MSRB2: variants seen among roughly 807,000 people sequenced by gnomAD.
MSRB2 encodes methionine-R-sulfoxide reductase B2, mitochondrial.
A neutral mutation model predicts 19.0 loss-of-function variants in MSRB2; 17 were observed. The observed-to-expected ratio is 0.89, with a 90% CI of 0.61 to 1.34. The LOEUF is 1.34. Ranked by LOEUF, MSRB2 falls within the 40% of genes most tolerant of loss-of-function variation. The pLI, the probability that MSRB2 is intolerant of heterozygous loss-of-function variation, is 0.00. For missense variants in MSRB2, 208 were observed against 237.6 expected (o/e 0.88, Z 0.82); for synonymous variants, 107 against 99.7 (o/e 1.07, Z -0.44).
intron 3 of MSRB2, among the ~76,000 whole-genome samples, chr10:23,115,771 C>G (rs1445741926): frequency 2.6e-5 from 4 of 152,080 alleles, no homozygotes; most frequent in African/African-American, 9.7e-5. Context: ...TAAAAATCTC[C>G]CGATTCTGCT....
intron 1 of MSRB2, among the ~76,000 whole-genome samples, chr10:23,096,062 C>T (rs555859095): frequency 6.6e-6 from 1 of 151,920 alleles, no homozygotes; most frequent in East Asian, 1.9e-4. Flanking sequence ...CAGGCGAAGG[C>T]CCGGGGCCTG....
At chr10:23,112,725 G>A (rs1840069721) in intron 3 of MSRB2, among the ~76,000 whole-genome samples, 1 of 152,168 alleles carries the variant, frequency 6.6e-6, no homozygotes, top group South Asian at 2.1e-4. Flanking sequence ...TGGGATTACA[G>A]GCGTGTGCCA....
intron 3 of MSRB2, among the ~76,000 whole-genome samples, chr10:23,112,873 C>T (rs7085531): frequency 0.98 from 149,017 of 152,338 alleles, 73,150 homozygotes; most frequent in Middle Eastern, 1. Context: ...CGTGAGCCAG[C>T]GCACCCGGGC....
At position 23,121,915 on chromosome 10, in the gene MSRB2, G is replaced by C. The variant is rs929521744; in HGVS notation, c.*1053G>C. ...CCACAAATAAACTGCAATAGGACTTGGTTAGATTTCAATGATTATGAATAA... is the reference window on the plus strand; with the variant it reads ...CCACAAATAAACTGCAATAGGACTTCGTTAGATTTCAATGATTATGAATAA... On this transcript the variant is annotated 3_prime_UTR_variant, in exon 5 of 5. Coordinates refer to ENST00000376510, the MANE Select transcript of MSRB2 (RefSeq NM_012228.4). The C allele has an allele frequency of 6.6e-6, 1 of 152,124 alleles. No homozygotes were observed. Among genetic ancestry groups the C allele is most frequent in the Non-Finnish European group, 1.5e-5 (1 of 68,028 alleles). The allele number at this position is 152,124 out of a possible 1,614,324, so 9.4% of individuals were successfully genotyped here. A position where few individuals can be genotyped will look rare whatever the true frequency, so the allele number is the denominator to read the frequency against.
intron 3 of MSRB2, among the ~76,000 whole-genome samples, chr10:23,113,682 T>C (rs1176639109): frequency 6.6e-6 from 1 of 152,212 alleles, no homozygotes; most frequent in Admixed American, 6.5e-5. Context: ...TAAGATCATA[T>C]TGGAGTAGGG....
intron 2 of MSRB2, among the ~76,000 whole-genome samples, chr10:23,106,335 C>T (rs1839986224): frequency 6.6e-6 from 1 of 152,148 alleles, no homozygotes; most frequent in Admixed American, 6.5e-5. Flanking sequence ...AATTCCCTCC[C>T]GCATGTTTTT....
intron 3 of MSRB2, among the ~76,000 whole-genome samples, chr10:23,117,820 A>G (rs184758029): frequency 1.3e-5 from 2 of 152,284 alleles, no homozygotes; most frequent in East Asian, 3.9e-4. Context: ...CGAACTCCTG[A>G]GCTCAAGTGA....
At chr10:23,114,584 A>G (rs1446598663) in intron 3 of MSRB2, among the ~76,000 whole-genome samples, 1 of 152,138 alleles carries the variant, frequency 6.6e-6, no homozygotes, top group Admixed American at 6.5e-5. Flanking sequence ...TAGTGCAGGG[A>G]TTTGGGCTCC....
At chr10:23,106,242 A>G (rs939834703) in intron 2 of MSRB2, among the ~76,000 whole-genome samples, 30 of 152,224 alleles carry the variant, frequency 2.0e-4, no homozygotes, top group African/African-American at 7.0e-4. Flanking sequence ...AGTATTGCAG[A>G]AATGTAAGCC....
At chr10:23,099,714 A>G (rs537095730) in intron 1 of MSRB2, among the ~76,000 whole-genome samples, 2 of 152,330 alleles carry the variant, frequency 1.3e-5, no homozygotes, top group South Asian at 4.1e-4. Context: ...TGGGCAACAC[A>G]GTGAGACTCG....
intron 1 of MSRB2, among the ~76,000 whole-genome samples, chr10:23,099,501 G>A (rs914079316): frequency 3.9e-5 from 6 of 152,178 alleles, no homozygotes; most frequent in African/African-American, 1.4e-4. Context: ...GTACTTAGAT[G>A]AAGGCTTAAT....
intron 3 of MSRB2, among the ~76,000 whole-genome samples, chr10:23,116,031 C>T (rs1429440589): frequency 6.6e-6 from 1 of 152,064 alleles, no homozygotes; most frequent in Non-Finnish European, 1.5e-5. Context: ...TGCAAAGAAT[C>T]CGACCTGAAT....
chr10:23,099,145 T>TTCAACATA (rs1304186238), intron 1 of MSRB2, among the ~76,000 whole-genome samples: 2 of 152,218 alleles, frequency 1.3e-5, no homozygotes, highest in African/African-American at 4.8e-5. Flanking sequence ...GGATTAGGAC[T>TTCAACATA]TCAACATATG....
chr10:23,109,411 C>T (rs778520060), intron 2 of MSRB2, among the ~76,000 whole-genome samples: 2 of 151,962 alleles, frequency 1.3e-5, no homozygotes, highest in African/African-American at 4.8e-5. Flanking sequence ...GGCGTGGTGG[C>T]GTGCACCTGT....
chr10:23,118,565 G>T (rs1270193964), intron 3 of MSRB2, among the ~76,000 whole-genome samples: 1 of 151,842 alleles, frequency 6.6e-6, no homozygotes, highest in Non-Finnish European at 1.5e-5. Context: ...ACTTCTGGAG[G>T]GTTAGGTTTC....
At chr10:23,110,395 G>T in intron 3 of MSRB2, 77 bp downstream of exon 3, 1 of 1,216,752 alleles carries the variant, frequency 8.2e-7, no homozygotes. Flanking sequence ...TTGAGATCTT[G>T]GATAAATAAA....
chr10:23,114,297 C>A (rs191127002), intron 3 of MSRB2, among the ~76,000 whole-genome samples: 1 of 148,326 alleles, frequency 6.7e-6, no homozygotes, highest in Admixed American at 6.9e-5. Context: ...TTTCATTGAG[C>A]TGAGATTGAG....
chr10:23,105,984 G>C (rs895575858), intron 2 of MSRB2, among the ~76,000 whole-genome samples: 8 of 152,202 alleles, frequency 5.3e-5, no homozygotes, highest in African/African-American at 1.9e-4. Flanking sequence ...GTGAGCAGTT[G>C]TATGTATTCC....
Position 23,095,722 on chromosome 10 carries a change from G to A in MSRB2, c.114G>A (p.Glu38=). The A allele has an allele frequency of 7.9e-7, 1 of 1,261,738 alleles. No homozygotes were observed. Among genetic ancestry groups the A allele is most frequent in the Non-Finnish European group, 9.9e-7 (1 of 1,006,898 alleles). 78.2% of individuals were successfully genotyped at this position (1,261,738 alleles called of 1,614,324 possible). A position where few individuals can be genotyped will look rare whatever the true frequency, so the allele number is the denominator to read the frequency against. Residue 38 remains glutamate, a synonymous_variant, in exon 1 of 5, where the codon GAG becomes GAA. Transcript: ENST00000376510. ...CCGGCACCGGGCCGGGACTGGGGGA[G>A]GCAGGTAGGACGCGGGTCCCGCAGG... The part of the protein sequence containing the change: ...GGPGTGPGLG[E]AGSLATCELP...
Sources: allele counts gnomAD v4.1 joint callset (sites outside exome capture counted in the v4.1 genomes callset), GRCh38; gene constraint gnomAD v4.1.1; transcripts MANE v1.5; gene names NCBI Gene and HGNC (gene_info 2026-07-23, HGNC 2026-07-21).